Variants in SMOC1 observed in about 807,000 individuals in gnomAD.
SMOC1 encodes SPARC-related modular calcium-binding protein 1.
In SMOC1, 22 loss-of-function variants were observed where a neutral mutation model predicts 56.3. That is an observed-to-expected ratio of 0.39 (90% CI 0.28 to 0.56). SMOC1 has a LOEUF of 0.56. Ranked by LOEUF, SMOC1 falls within the 20% of genes least tolerant of loss-of-function variation. The pLI, the probability that SMOC1 is intolerant of heterozygous loss-of-function variation, is 0.61. For synonymous variants in SMOC1, 193 were observed against 215.0 expected, an observed-to-expected ratio of 0.90 and a Z score of 0.89; for missense variants, 509 against 565.4, an observed-to-expected ratio of 0.90 and a Z score of 1.01.
intron 1 of SMOC1, among the ~76,000 whole-genome samples, chr14:69,915,020 C>T (rs932567920): frequency 1.3e-5 from 2 of 152,130 alleles, no homozygotes; most frequent in Non-Finnish European, 2.9e-5. Context: ...CCGCCCACCA[C>T]CACGCCCGGC....
chr14:69,958,179 T>G (rs895623432), intron 3 of SMOC1, among the ~76,000 whole-genome samples: 3 of 152,194 alleles, frequency 2.0e-5, no homozygotes, highest in Non-Finnish European at 4.4e-5. Context: ...GAGGATTGCT[T>G]GAGTCCAGGA....
intron 1 of SMOC1, among the ~76,000 whole-genome samples, chr14:69,887,915 C>T (rs1007073402): frequency 6.6e-6 from 1 of 152,142 alleles, no homozygotes; most frequent in African/African-American, 2.4e-5. Context: ...TAGTTTGATG[C>T]CTGTCTTTAT....
intron 1 of SMOC1, among the ~76,000 whole-genome samples, chr14:69,892,197 T>C (rs1201138211): frequency 1.3e-5 from 2 of 152,134 alleles, no homozygotes; most frequent in Admixed American, 6.5e-5. Flanking sequence ...TTATAGAAAT[T>C]AGGGTGAATA....
intron 3 of SMOC1, among the ~76,000 whole-genome samples, chr14:69,970,520 C>A (rs190670518): frequency 1.3e-5 from 2 of 152,324 alleles, no homozygotes; most frequent in Non-Finnish European, 2.9e-5. Flanking sequence ...CTCTGTACCT[C>A]TCCTATAAAA....
At chr14:69,995,490 G>A (rs1014718942) in intron 7 of SMOC1, among the ~76,000 whole-genome samples, 1 of 152,224 alleles carries the variant, frequency 6.6e-6, no homozygotes, top group Admixed American at 6.5e-5. Flanking sequence ...AGTGAAAGGA[G>A]ACTGTGAACC....
intron 1 of SMOC1, among the ~76,000 whole-genome samples, chr14:69,932,301 C>T (rs1285663861): frequency 2.0e-5 from 3 of 152,200 alleles, no homozygotes; most frequent in Non-Finnish European, 2.9e-5. Context: ...TTATAGTAAA[C>T]TTGCTGTTTT....
At chr14:69,889,192 T>C (rs2139298321) in intron 1 of SMOC1, among the ~76,000 whole-genome samples, 1 of 152,326 alleles carries the variant, frequency 6.6e-6, no homozygotes, top group South Asian at 2.1e-4. Flanking sequence ...GTGTCCAACC[T>C]TACCTTCTGC....
At chr14:70,018,547 C>T (rs117744089) in intron 10 of SMOC1, among the ~76,000 whole-genome samples, 4,454 of 152,296 alleles carry the variant, frequency 0.029, 90 homozygotes, top group Non-Finnish European at 0.042. Flanking sequence ...ATCCCTTTGG[C>T]CCCTCTGGCC....
chr14:69,913,227 G>C (rs1247153916), intron 1 of SMOC1, among the ~76,000 whole-genome samples: 1 of 152,144 alleles, frequency 6.6e-6, no homozygotes, highest in Non-Finnish European at 1.5e-5. Flanking sequence ...TTTCCGCTCT[G>C]CTAGACTGTG....
intron 3 of SMOC1, 114 bp from the exon 4 acceptor site, chr14:69,975,601 G>A (rs1883918619): frequency 1.3e-6 from 1 of 792,032 alleles, no homozygotes; most frequent in Non-Finnish European, 2.2e-6. Flanking sequence ...GTGGGGATGA[G>A]AGGTGGAAGA....
chr14:70,010,951 GC>G lies in SMOC1; in HGVS notation c.857+11del, dbSNP rs1282871632. 2 of 1,612,072 alleles carry G rather than the reference GC, an allele frequency of 1.2e-6. No homozygotes were observed. The highest frequency in any genetic ancestry group is 1.7e-6 in the Non-Finnish European group (2 of 1,179,930). ...GCTGCCTGGGACCTCCACACGGTAA[GC>G]CCCCCAGACTGGGTCCTGGGAAAAA... is the stretch of plus-strand genomic sequence containing the variant. On this transcript the variant is annotated splice_donor_region_variant and intron_variant, in intron 8 of 11. Transcript: ENST00000361956.
intron 5 of SMOC1, among the ~76,000 whole-genome samples, chr14:69,984,680 TAAAAA>T (rs56194241): frequency 7.8e-6 from 1 of 127,888 alleles, no homozygotes. Context: ...CTATCTCTAC[TAAAAA>T]AAAAAAAAAA....
Position 70,008,842 on chromosome 14 carries a change from A to G in SMOC1, c.665-1912A>G, listed in dbSNP as rs561192005. On this transcript the variant is annotated intron_variant, in intron 7 of 11. Coordinates refer to ENST00000361956, the MANE Select transcript of SMOC1 (RefSeq NM_001034852.3). Reference sequence around the variant, plus strand: ...AAATACGAGGTAGGAAAATAAGGCTACCAAATTGGGGTTGGGGGAGCTATT... The same window carrying G: ...AAATACGAGGTAGGAAAATAAGGCTGCCAAATTGGGGTTGGGGGAGCTATT... 2.0e-5 allele frequency among the ~76,000 whole-genome samples: 3 copies of G among 152,160 alleles called. No homozygotes were observed. In the South Asian group the frequency reaches 6.2e-4, roughly 32 times the overall value.
intron 10 of SMOC1, among the ~76,000 whole-genome samples, chr14:70,018,919 G>A (rs1050300715): frequency 3.9e-5 from 6 of 152,218 alleles, no homozygotes; most frequent in African/African-American, 1.2e-4. Context: ...AACTCCAGAC[G>A]GGGCTCAGTT....
intron 1 of SMOC1, among the ~76,000 whole-genome samples, chr14:69,903,605 C>G (rs760732565): frequency 2.6e-5 from 4 of 152,174 alleles, no homozygotes; most frequent in Admixed American, 2.6e-4. Context: ...GACCTTACCC[C>G]CAACCCGGTG....
rs774292224 is a variant in SMOC1 at position 69,917,327 on chromosome 14, C to T, written c.100-34811C>T. ...GCCCAAACACCTCGCTGACAATGCTCACGGAGCCTGTGTGCCTGAGCCCTG... is the reference window on the plus strand; with the variant it reads ...GCCCAAACACCTCGCTGACAATGCTTACGGAGCCTGTGTGCCTGAGCCCTG... On this transcript the variant is annotated intron_variant, in intron 1 of 11. Transcript: ENST00000361956. 4.5e-4 allele frequency among the ~76,000 whole-genome samples: 68 copies of T among 152,342 alleles called. No individual in the cohort carries two copies. In the Middle Eastern group the frequency reaches 0.01, roughly 23 times the overall value.
At chr14:69,903,100 C>T (rs1237862104) in intron 1 of SMOC1, among the ~76,000 whole-genome samples, 2 of 151,798 alleles carry the variant, frequency 1.3e-5, no homozygotes, top group Non-Finnish European at 2.9e-5. Context: ...TGTGAGGAGC[C>T]CCTCTGCCCG....
intron 1 of SMOC1, among the ~76,000 whole-genome samples, chr14:69,911,266 A>G (rs1463491702): frequency 6.6e-6 from 1 of 152,162 alleles, no homozygotes; most frequent in African/African-American, 2.4e-5. Flanking sequence ...TGGAGATGGA[A>G]TAGGTTAGGG....
rs1886140648 is a variant in SMOC1, at chr14:70,031,281, T to G, written c.*1023T>G. On this transcript the variant is annotated 3_prime_UTR_variant, in exon 12 of 12. Coordinates refer to ENST00000361956, the MANE Select transcript of SMOC1 (RefSeq NM_001034852.3). ...AGGGGTGCGGTGCCAACAGGGAAAC[T>G]CTTCACCTCCCTGCAAACCTACCAG... 6.6e-6 allele frequency: 1 copy of G among 152,008 alleles called. No individual in the cohort carries two copies. Among genetic ancestry groups the G allele is most frequent in the Admixed American group, 6.6e-5 (1 of 15,266 alleles). The allele number at this position is 152,008 out of a possible 1,614,324, so 9.4% of individuals were successfully genotyped here. A position where few individuals can be genotyped will look rare whatever the true frequency, so the allele number is the denominator to read the frequency against.
Sources: gnomAD v4.1 joint callset for allele counts (sites outside exome capture counted in the v4.1 genomes callset) on GRCh38, gnomAD v4.1.1 for gene constraint, MANE v1.5 for transcripts, NCBI Gene and HGNC (gene_info 2026-07-23, HGNC 2026-07-21) for gene names.